Variants in ERBB4 observed in about 807,000 individuals in gnomAD.
The protein encoded by ERBB4 is erb-b2 receptor tyrosine kinase 4.
In ERBB4, 42 loss-of-function variants were observed where a neutral mutation model predicts 158.0. The observed-to-expected ratio is 0.27, with a 90% CI of 0.21 to 0.34. The LOEUF (loss-of-function observed/expected upper bound fraction) is 0.34. ERBB4 is among the 10% of genes least tolerant of loss of function. The pLI, the probability that ERBB4 is intolerant of heterozygous loss-of-function variation, is 1.00. For synonymous variants in ERBB4, 583 were observed against 558.7 expected, an observed-to-expected ratio of 1.04 and a Z score of -0.61; for missense variants, 1,333 against 1,624.1, an observed-to-expected ratio of 0.82 and a Z score of 3.08.
At chr2:212,467,634 G>A (rs1197800803) in intron 1 of ERBB4, among the ~76,000 whole-genome samples, 1 of 152,238 alleles carries the variant, frequency 6.6e-6, no homozygotes, top group African/African-American at 2.4e-5. Context: ...TGCCCAGGCA[G>A]AAGTTTGCTG....
In ERBB4 at chr2:211,977,552, AC is replaced by A. The variant is rs1474425776; in HGVS notation, c.235-29937del. On this transcript the variant is annotated intron_variant, in intron 2 of 27. Transcript: ENST00000342788. ...ACTTTAAAAAAAAAAAAAAAAAGTA[AC>A]TTGGCTGGGTCCGGTGGCTCATACC... Among the ~76,000 whole-genome samples, 5 of 150,494 alleles carry A rather than the reference AC, an allele frequency of 3.3e-5. 1 individual carries two copies. Among genetic ancestry groups the A allele is most frequent in the African/African-American group, 1.2e-4 (5 of 41,122 alleles).
chr2:212,477,382 C>T (rs528790810), intron 1 of ERBB4, among the ~76,000 whole-genome samples: 2 of 152,156 alleles, frequency 1.3e-5, no homozygotes, highest in African/African-American at 4.8e-5. Flanking sequence ...CGAAAGGAAC[C>T]GTTACAATTA....
At chr2:212,281,642 T>C (rs1288981479) in intron 1 of ERBB4, among the ~76,000 whole-genome samples, 1 of 151,868 alleles carries the variant, frequency 6.6e-6, no homozygotes, top group Non-Finnish European at 1.5e-5. Flanking sequence ...ATAGCTGAAG[T>C]GTATTGTTTC....
intron 1 of ERBB4, among the ~76,000 whole-genome samples, chr2:212,496,357 CATACACAT>C (rs1690572653): frequency 6.6e-6 from 1 of 151,660 alleles, no homozygotes; most frequent in East Asian, 1.9e-4. Flanking sequence ...CATACACACA[CATACACAT>C]ATATAATCAA....
At chr2:211,931,793 C>T (rs146135176) in intron 3 of ERBB4, among the ~76,000 whole-genome samples, 5,322 of 151,982 alleles carry the variant, frequency 0.035, 127 homozygotes, top group Middle Eastern at 0.088. Context: ...ATAAAGAACA[C>T]GTTTTACATA....
intron 4 of ERBB4, chr2:211,778,562 T>C (rs550981460): frequency 6.6e-6 from 1 of 152,262 alleles, no homozygotes; most frequent in African/African-American, 2.4e-5. Flanking sequence ...ATAAATAACA[T>C]GAGTGTCTGA....
intron 3 of ERBB4, among the ~76,000 whole-genome samples, chr2:211,822,404 A>C (rs2077015212): frequency 6.6e-6 from 1 of 152,092 alleles, no homozygotes; most frequent in African/African-American, 2.4e-5. Context: ...CCCCATAAAA[A>C]TGTATAGATA....
intron 1 of ERBB4, among the ~76,000 whole-genome samples, chr2:212,390,829 C>A (rs1370654283): frequency 6.6e-6 from 1 of 151,714 alleles, no homozygotes; most frequent in African/African-American, 2.4e-5. Context: ...AAAAAAGGGA[C>A]ATTAATTGTT....
intron 1 of ERBB4, among the ~76,000 whole-genome samples, chr2:212,186,005 A>G (rs2082007925): frequency 6.6e-6 from 1 of 152,208 alleles, no homozygotes; most frequent in Non-Finnish European, 1.5e-5. Flanking sequence ...TGATCAAAAC[A>G]GCTACGTTAG....
intron 25 of ERBB4, among the ~76,000 whole-genome samples, chr2:211,394,002 G>T (rs1373115462): frequency 6.6e-6 from 1 of 152,046 alleles, no homozygotes; most frequent in African/African-American, 2.4e-5. Flanking sequence ...CTGCTTGACT[G>T]AGGGTAAGTA....
At chr2:211,827,845 T>C (rs1205066714) in intron 3 of ERBB4, among the ~76,000 whole-genome samples, 1 of 152,106 alleles carries the variant, frequency 6.6e-6, no homozygotes, top group Non-Finnish European at 1.5e-5. Context: ...TTATATACAA[T>C]AAAAGGCAGG....
At chr2:211,868,221 A>T (rs562965865) in intron 3 of ERBB4, among the ~76,000 whole-genome samples, 38 of 149,248 alleles carry the variant, frequency 2.5e-4, no homozygotes, top group Admixed American at 7.3e-4. Context: ...TGCAACTGAA[A>T]GTTGATCTGG....
chr2:211,715,314 A>G (rs2073857198), intron 7 of ERBB4, among the ~76,000 whole-genome samples: 1 of 152,078 alleles, frequency 6.6e-6, no homozygotes, highest in South Asian at 2.1e-4. Flanking sequence ...CACCACAACA[A>G]AGAGTCACTT....
intron 2 of ERBB4, among the ~76,000 whole-genome samples, chr2:212,060,210 T>G (rs2077716315): frequency 6.6e-6 from 1 of 151,884 alleles, no homozygotes; most frequent in African/African-American, 2.4e-5. Flanking sequence ...ATGAAAAAAA[T>G]GCTCATCATG....
At chr2:211,449,420 A>G (rs1053890785) in intron 20 of ERBB4, among the ~76,000 whole-genome samples, 1 of 152,192 alleles carries the variant, frequency 6.6e-6, no homozygotes, top group African/African-American at 2.4e-5. Flanking sequence ...TAAATTAGGA[A>G]ATGGTTATTC....
intron 2 of ERBB4, among the ~76,000 whole-genome samples, chr2:212,097,128 TA>T (rs1278455652): frequency 5.3e-5 from 8 of 152,114 alleles, no homozygotes. Context: ...AGATGAAAGA[TA>T]AATGTTGTTC....
chr2:211,452,742 G>A (rs756674494), intron 20 of ERBB4, among the ~76,000 whole-genome samples: 3 of 151,904 alleles, frequency 2.0e-5, no homozygotes, highest in Non-Finnish European at 4.4e-5. Flanking sequence ...TCATAGTATA[G>A]AACCTTAATT....
chr2:211,945,024 A>G (rs1412471876), intron 3 of ERBB4, among the ~76,000 whole-genome samples: 1 of 152,204 alleles, frequency 6.6e-6, no homozygotes, highest in Non-Finnish European at 1.5e-5. Context: ...ATGTTGTTTT[A>G]AAAACTCTTG....
At chr2:211,435,728 C>T (rs542177697) in intron 20 of ERBB4, among the ~76,000 whole-genome samples, 8 of 152,284 alleles carry the variant, frequency 5.3e-5, no homozygotes, top group Admixed American at 1.3e-4. Context: ...TGAGGTAGAA[C>T]TGTTTCATCC....
Sources: allele counts gnomAD v4.1 joint callset (sites outside exome capture counted in the v4.1 genomes callset), GRCh38; gene constraint gnomAD v4.1.1; transcripts MANE v1.5; gene names NCBI Gene and HGNC (gene_info 2026-07-23, HGNC 2026-07-21).